The following ST8SIA6 variants were observed in gnomAD, a reference collection of about 807,000 sequenced individuals.
The protein encoded by ST8SIA6 is ST8 alpha-N-acetyl-neuraminide alpha-2,8-sialyltransferase 6, also known as alpha-2,8-sialyltransferase 8F.
Under a neutral mutation model 33.6 loss-of-function variants are expected in ST8SIA6, and 39 were observed. The ratio of observed to expected loss-of-function variants is 1.16; its 90% CI spans 0.90 to 1.52. The LOEUF (loss-of-function observed/expected upper bound fraction) is 1.52. Among genes scored for constraint, ST8SIA6 ranks in the 40% most tolerant of loss-of-function variants. The pLI, the probability that ST8SIA6 is intolerant of heterozygous loss-of-function variation, is 0.00. For synonymous variants in ST8SIA6, 172 were observed against 167.2 expected, an observed-to-expected ratio of 1.03 and a Z score of -0.22; for missense variants, 441 against 443.8, an observed-to-expected ratio of 0.99 and a Z score of 0.06.
chr10:17,407,340 A>G (rs1025792760), intron 2 of ST8SIA6, among the ~76,000 whole-genome samples: 1 of 152,208 alleles, frequency 6.6e-6, no homozygotes. Flanking sequence ...ATGCACCTGC[A>G]TGGATGTCGG....
At chr10:17,453,033 A>G (rs1021421061) in intron 2 of ST8SIA6, among the ~76,000 whole-genome samples, 10 of 141,292 alleles carry the variant, frequency 7.1e-5, no homozygotes, top group African/African-American at 3.2e-4. Flanking sequence ...TACTTTTACA[A>G]TCTGAAAAAA....
intron 6 of ST8SIA6, among the ~76,000 whole-genome samples, chr10:17,325,417 TTAC>T (rs1228886163): frequency 1.3e-5 from 1 of 76,778 alleles, no homozygotes; most frequent in Non-Finnish European, 2.9e-5. Context: ...ATTATATATA[TTAC>T]TACTACTGTA....
intron 4 of ST8SIA6, among the ~76,000 whole-genome samples, chr10:17,350,522 C>CAACAA (rs967323714): frequency 5.3e-5 from 8 of 152,040 alleles, no homozygotes; most frequent in South Asian, 2.1e-4. Flanking sequence ...GACCCTATCT[C>CAACAA]AACAAAACAA....
rs2131562177 is a variant in ST8SIA6, at chr10:17,316,107, G to T, written c.*4771C>A. ...ATAAGAATATATATGTCAAAGGCTTGCTGTATTAAATATAATAACATGTAT... is the reference window on the plus strand; with the variant it reads ...ATAAGAATATATATGTCAAAGGCTTTCTGTATTAAATATAATAACATGTAT... On this transcript the variant is annotated 3_prime_UTR_variant, in exon 8 of 8. Coordinates refer to ENST00000377602, the MANE Select transcript of ST8SIA6 (RefSeq NM_001004470.3). 2.0e-5 allele frequency among the ~76,000 whole-genome samples: 3 copies of T among 152,002 alleles called. 1 individual carries two copies. Among genetic ancestry groups the T allele is most frequent in the Admixed American group, 2.0e-4 (3 of 15,240 alleles).
intron 3 of ST8SIA6, among the ~76,000 whole-genome samples, chr10:17,383,676 T>G (rs1850239398): frequency 6.6e-6 from 1 of 152,218 alleles, no homozygotes; most frequent in South Asian, 2.1e-4. Context: ...AAATGCACGT[T>G]TCTAATAACT....
intron 4 of ST8SIA6, among the ~76,000 whole-genome samples, chr10:17,357,571 T>C (rs1849240045): frequency 6.6e-6 from 1 of 152,212 alleles, no homozygotes; most frequent in Non-Finnish European, 1.5e-5. Flanking sequence ...GCTTTTGTAT[T>C]CGGCAAGTTC....
chr10:17,385,670 G>C (rs78478995), intron 3 of ST8SIA6, among the ~76,000 whole-genome samples: 4 of 152,032 alleles, frequency 2.6e-5, no homozygotes, highest in Non-Finnish European at 5.9e-5. Flanking sequence ...GTAGGAACTG[G>C]CTATTTTCAC....
chr10:17,354,139 A>G (rs948668514), intron 4 of ST8SIA6, among the ~76,000 whole-genome samples: 1 of 152,188 alleles, frequency 6.6e-6, no homozygotes, highest in African/African-American at 2.4e-5. Flanking sequence ...AAACCTGCTT[A>G]CCAGAAGTTT....
At position 17,454,557 on chromosome 10, in the gene ST8SIA6, G is replaced by A. The variant is rs2131757477; in HGVS notation, c.-302C>T. Among the ~76,000 whole-genome samples the A allele has an allele frequency of 6.6e-6, 1 of 152,090 alleles. No homozygotes were observed. The highest frequency in any genetic ancestry group is 1.9e-4 in the East Asian group (1 of 5,146). Reference sequence around the variant, plus strand: ...CCGCCTGTCCTCCCGGAGGCGCTCGGAGCTGCTGCGGGCTCCGGTCGCCGC... The same window carrying A: ...CCGCCTGTCCTCCCGGAGGCGCTCGAAGCTGCTGCGGGCTCCGGTCGCCGC... On this transcript the variant is annotated 5_prime_UTR_variant, in exon 1 of 8. Coordinates refer to ENST00000377602, the MANE Select transcript of ST8SIA6 (RefSeq NM_001004470.3). The surrounding 1 kb of genome is among the most constrained non-coding windows in gnomAD (Gnocchi z 4.1).
chr10:17,407,643 C>T (rs1001447150), intron 2 of ST8SIA6, among the ~76,000 whole-genome samples: 3 of 152,162 alleles, frequency 2.0e-5, no homozygotes, highest in Non-Finnish European at 4.4e-5. Context: ...TTTGCAAAAC[C>T]CATTGTCACC....
At chr10:17,431,736 G>GAA (rs113184112) in intron 2 of ST8SIA6, among the ~76,000 whole-genome samples, 40 of 118,916 alleles carry the variant, frequency 3.4e-4, no homozygotes, top group African/African-American at 7.6e-4. Context: ...TCTTCGTTTG[G>GAA]AAAAAAAAAA....
chr10:17,453,549 G>C lies in ST8SIA6; in HGVS notation c.200+10C>G. ...GAGCCCCAGTCCGCCCGCGCTGGGC[G>C]CCGCTGTACCTGTTAGTGGCGCGCG... On this transcript the variant is annotated intron_variant, in intron 2 of 7. Transcript: ENST00000377602. The C allele has an allele frequency of 7.7e-7, 1 of 1,295,330 alleles. No homozygotes were observed. The highest frequency in any genetic ancestry group is 9.9e-7 in the Non-Finnish European group (1 of 1,013,246). The allele number at this position is 1,295,330 out of a possible 1,614,324, so 80.2% of individuals were successfully genotyped here.
intron 2 of ST8SIA6, among the ~76,000 whole-genome samples, chr10:17,418,814 G>A (rs938075910): frequency 2.3e-4 from 35 of 151,892 alleles, no homozygotes; most frequent in African/African-American, 9.7e-5. Context: ...CCAACATGGC[G>A]AAACCCCGTC....
At chr10:17,390,448 A>G in intron 3 of ST8SIA6, 83 bp downstream of exon 3, 1 of 1,199,700 alleles carries the variant, frequency 8.3e-7, no homozygotes, top group Non-Finnish European at 1.2e-6. Flanking sequence ...TCATATTCCA[A>G]ATGACTTCAG....
At chr10:17,382,608 G>A (rs1437797442) in intron 3 of ST8SIA6, among the ~76,000 whole-genome samples, 1 of 152,082 alleles carries the variant, frequency 6.6e-6, no homozygotes, top group African/African-American at 2.4e-5. Flanking sequence ...TGAGTTACAG[G>A]GCTTTAACTC....
intron 2 of ST8SIA6, among the ~76,000 whole-genome samples, chr10:17,411,462 C>T (rs757803176): frequency 6.6e-6 from 1 of 152,140 alleles, no homozygotes; most frequent in Non-Finnish European, 1.5e-5. Context: ...GGATTACAGG[C>T]ATGAGCCACT....
At chr10:17,366,274 T>C (rs564518713) in intron 3 of ST8SIA6, among the ~76,000 whole-genome samples, 15 of 152,338 alleles carry the variant, frequency 9.8e-5, no homozygotes, top group African/African-American at 3.6e-4. Flanking sequence ...AAAAGGGATC[T>C]GCAACTTTTA....
intron 3 of ST8SIA6, among the ~76,000 whole-genome samples, chr10:17,379,946 T>A (rs1190764232): frequency 6.6e-6 from 1 of 152,212 alleles, no homozygotes; most frequent in African/African-American, 2.4e-5. Flanking sequence ...AATCTCCTTT[T>A]GGTGCCTAGT....
chr10:17,442,666 A>G (rs1368134355), intron 2 of ST8SIA6, among the ~76,000 whole-genome samples: 1 of 152,218 alleles, frequency 6.6e-6, no homozygotes, highest in Non-Finnish European at 1.5e-5. Flanking sequence ...ATAAGACTTT[A>G]TACCAGCTTA....
Sources: allele counts gnomAD v4.1 joint callset (sites outside exome capture counted in the v4.1 genomes callset), GRCh38; gene constraint gnomAD v4.1.1; non-coding constraint Gnocchi (gnomAD v3.1); transcripts MANE v1.5; gene names NCBI Gene and HGNC (gene_info 2026-07-23, HGNC 2026-07-21).